Variants in ZDHHC15 observed in about 807,000 individuals in gnomAD.
The protein encoded by ZDHHC15 is zDHHC palmitoyltransferase 15.
A neutral mutation model predicts 31.7 loss-of-function variants in ZDHHC15; 19 were observed. The ratio of observed to expected loss-of-function variants is 0.60; its 90% CI spans 0.42 to 0.88. The LOEUF (loss-of-function observed/expected upper bound fraction) is 0.88, where lower values mean the gene tolerates loss of function less well. ZDHHC15 is among the 40% of genes least tolerant of loss of function. ZDHHC15 has a pLI of 0.00. For synonymous variants in ZDHHC15, 103 were observed against 90.0 expected, an observed-to-expected ratio of 1.14 and a Z score of -0.82; for missense variants, 209 against 251.2, an observed-to-expected ratio of 0.83 and a Z score of 1.14.
intron 3 of ZDHHC15, among the ~76,000 whole-genome samples, chrX:75,472,263 A>G (rs1037534954): frequency 1.8e-5 from 2 of 111,614 alleles, no homozygotes; most frequent in Admixed American, 9.6e-5. Context: ...CCTGGTTCAC[A>G]GATGGTTCTA....
At chrX:75,435,603 T>C (rs1014617174) in intron 4 of ZDHHC15, among the ~76,000 whole-genome samples, 3 of 112,302 alleles carry the variant, frequency 2.7e-5, no homozygotes, top group Non-Finnish European at 5.6e-5. Context: ...GATGATCATG[T>C]GATTTTTGTT....
intron 3 of ZDHHC15, among the ~76,000 whole-genome samples, chrX:75,455,469 G>A (rs185308553): frequency 1.1e-4 from 12 of 111,581 alleles, no homozygotes; most frequent in East Asian, 5.6e-4. Context: ...CAAGGACTTC[G>A]TGACTAAAAC....
intron 9 of ZDHHC15, among the ~76,000 whole-genome samples, chrX:75,420,174 C>A (rs1360895267): frequency 9.0e-6 from 1 of 111,099 alleles, no homozygotes; most frequent in Non-Finnish European, 1.9e-5. Flanking sequence ...CAAAATAAGA[C>A]ATTTATGTGG....
intron 1 of ZDHHC15, among the ~76,000 whole-genome samples, chrX:75,514,256 T>G (rs759545855): frequency 2.7e-5 from 3 of 112,651 alleles, no homozygotes; most frequent in Non-Finnish European, 5.6e-5. Flanking sequence ...CTCTTTTTAC[T>G]ATCTAATTTA....
chrX:75,384,229 C>CA lies in ZDHHC15; in HGVS notation c.968-5032dup. On this transcript the variant is annotated intron_variant, in intron 10 of 11. Transcript: ENST00000373367. The stretch of plus-strand genomic sequence containing the variant: ...AATATGTAATCAAAAGTATACAACT[C>CA]ATGTGAAGAATACACTGGTAAAATG... The CA allele has an allele frequency of 6.3e-6, 3 of 472,632 alleles. No homozygotes were observed. In the East Asian group the frequency reaches 1.1e-4, roughly 17 times the overall value. 39.0% of individuals were successfully genotyped at this position (472,632 alleles called of 1,213,427 possible).
At chrX:75,498,048 C>A (rs2085032787) in intron 2 of ZDHHC15, among the ~76,000 whole-genome samples, 1 of 109,708 alleles carries the variant, frequency 9.1e-6, no homozygotes, top group Non-Finnish European at 1.9e-5. Flanking sequence ...ATTCTCCTGC[C>A]TCAGCCTCCT....
intron 10 of ZDHHC15, among the ~76,000 whole-genome samples, chrX:75,384,058 C>T (rs920691806): frequency 9.0e-6 from 1 of 110,854 alleles, no homozygotes; most frequent in Non-Finnish European, 1.9e-5. Flanking sequence ...GTTAGTTTTT[C>T]CCTATTCTCT....
chrX:75,473,629 C>G (rs1352081166), intron 3 of ZDHHC15, among the ~76,000 whole-genome samples: 1 of 111,199 alleles, frequency 9.0e-6, no homozygotes, highest in African/African-American at 3.3e-5. Flanking sequence ...AAGATGAAAT[C>G]AATTTATTAC....
intron 10 of ZDHHC15, among the ~76,000 whole-genome samples, chrX:75,400,529 G>A (rs1056415406): frequency 8.9e-6 from 1 of 111,889 alleles, no homozygotes; most frequent in African/African-American, 3.2e-5. Context: ...AAGGAAGGGG[G>A]AGAAAGCAAA....
chrX:75,462,930 C>A (rs2084342493), intron 3 of ZDHHC15, among the ~76,000 whole-genome samples: 1 of 110,835 alleles, frequency 9.0e-6, no homozygotes, highest in Non-Finnish European at 1.9e-5. Flanking sequence ...CAGAGCTGAA[C>A]TGAAGGAGAC....
At chrX:75,489,518 G>A (rs2084837658) in intron 2 of ZDHHC15, among the ~76,000 whole-genome samples, 2 of 112,135 alleles carry the variant, frequency 1.8e-5, no homozygotes, top group Non-Finnish European at 3.8e-5. Context: ...CAACAGACCT[G>A]CAGCTGAGGG....
intron 3 of ZDHHC15, among the ~76,000 whole-genome samples, chrX:75,462,615 T>C (rs528030356): frequency 8.9e-6 from 1 of 111,920 alleles, no homozygotes; most frequent in South Asian, 3.7e-4. Context: ...GATTAAGAAA[T>C]TAACTCAAAA....
chrX:75,500,411 T>G (rs764482762), intron 2 of ZDHHC15, among the ~76,000 whole-genome samples: 1 of 110,107 alleles, frequency 9.1e-6, no homozygotes, highest in South Asian at 3.8e-4. Context: ...AAAATATAGT[T>G]TCAGAAAAAT....
At chrX:75,505,916 ATTAG>A in intron 1 of ZDHHC15, 69 bp from the exon 2 acceptor site, 1 of 959,368 alleles carries the variant, frequency 1.0e-6, no homozygotes, top group Non-Finnish European at 1.5e-6. Context: ...AGAGAGAGAA[ATTAG>A]TTATATTTAA....
intron 10 of ZDHHC15, among the ~76,000 whole-genome samples, chrX:75,401,002 A>G (rs747932509): frequency 1.1e-4 from 12 of 111,044 alleles, no homozygotes; most frequent in Non-Finnish European, 2.1e-4. Flanking sequence ...GAAAGGAAAG[A>G]CTGCTACCAG....
At chrX:75,495,352 C>T (rs139614847) in intron 2 of ZDHHC15, among the ~76,000 whole-genome samples, 1,695 of 111,452 alleles carry the variant, frequency 0.015, 19 homozygotes, top group Non-Finnish European at 0.023. Context: ...ACTAGTTCAC[C>T]CATTGTGGAG....
At chrX:75,400,034 C>T (rs1331169498) in intron 10 of ZDHHC15, among the ~76,000 whole-genome samples, 1 of 111,511 alleles carries the variant, frequency 9.0e-6, no homozygotes, top group Non-Finnish European at 1.9e-5. Context: ...AGAAAAAAAC[C>T]AATGCAAGAA....
rs1030236309 is a variant in ZDHHC15, at chrX:75,442,527, C to A, written c.379+8275G>T. Among the ~76,000 whole-genome samples, 129 of 111,688 alleles carry A rather than the reference C, an allele frequency of 1.2e-3. 1 individual carries two copies. The highest frequency in any genetic ancestry group is 2.1e-3 in the Non-Finnish European group (114 of 53,172). On this transcript the variant is annotated intron_variant, in intron 4 of 11. Transcript: ENST00000373367. The stretch of plus-strand genomic sequence containing the variant: ...ACCAATAACAGACAGAGAGCCAAAT[C>A]ATGAGTGAACTCCCATTCACAGTTG...
chrX:75,386,315 T>C (rs1042986372), intron 10 of ZDHHC15, among the ~76,000 whole-genome samples: 5 of 112,047 alleles, frequency 4.5e-5, no homozygotes, highest in Non-Finnish European at 7.5e-5. Flanking sequence ...AAGGTTGTAT[T>C]AGCACACTCA....
Sources: allele counts gnomAD v4.1 joint callset (sites outside exome capture counted in the v4.1 genomes callset), GRCh38; gene constraint gnomAD v4.1.1; transcripts MANE v1.5; gene names NCBI Gene and HGNC (gene_info 2026-07-23, HGNC 2026-07-21).